PNMA8A: variants seen among roughly 807,000 people sequenced by gnomAD.
The protein encoded by PNMA8A is paraneoplastic antigen-like protein 8A.
PNMA8A carries 17 observed loss-of-function variants against 26.6 expected under a neutral mutation model. The ratio of observed to expected loss-of-function variants is 0.64; its 90% CI spans 0.44 to 0.96. PNMA8A has a LOEUF of 0.96. Among genes scored for constraint, PNMA8A ranks in the 40% least tolerant of loss-of-function variants. The pLI is 0.00. For missense variants in PNMA8A, 532 were observed against 488.4 expected (o/e 1.09, Z -0.84); for synonymous variants, 224 against 182.0 (o/e 1.23, Z -1.86).
intron 2 of PNMA8A, among the ~76,000 whole-genome samples, chr19:46,469,262 C>A (rs1969749310): frequency 6.7e-6 from 1 of 149,384 alleles, no homozygotes; most frequent in Non-Finnish European, 1.5e-5. Context: ...GTATGTGGCA[C>A]CACACCCGGC....
rs1969733368 is a variant in PNMA8A, at chr19:46,468,172, G to A, written c.*389C>T. On this transcript the variant is annotated 3_prime_UTR_variant, in exon 3 of 3. Transcript: ENST00000313683. ...TCTTCCAAATGCCAGGGCCTGCAGA[G>A]GTCGCTGACCATTCCGAGGAGGGAG... 1 of 200,416 alleles carries A rather than the reference G, an allele frequency of 5.0e-6. No individual in the cohort carries two copies. The highest frequency in any genetic ancestry group is 1.0e-5 in the Non-Finnish European group (1 of 99,976). The allele number at this position is 200,416 out of a possible 1,614,324, so 12.4% of individuals were successfully genotyped here. A position where few individuals can be genotyped will look rare whatever the true frequency, so the allele number is the denominator to read the frequency against.
In PNMA8A at chr19:46,468,393, C is replaced by CCA; in HGVS notation, c.*167_*168insTG. ...GGCATAGAGATCCACCTCCCTTCCC[C>CCA]AACTCCCTCCCACCCAAGACCTCAC... On this transcript the variant is annotated 3_prime_UTR_variant, in exon 3 of 3. Coordinates refer to ENST00000313683, the MANE Select transcript of PNMA8A (RefSeq NM_018215.4). 3.4e-6 allele frequency: 2 copies of CCA among 579,812 alleles called. No individual in the cohort carries two copies. Among genetic ancestry groups the CCA allele is most frequent in the Non-Finnish European group, 6.3e-6 (2 of 316,874 alleles). 35.9% of individuals were successfully genotyped at this position (579,812 alleles called of 1,614,324 possible). A position where few individuals can be genotyped will look rare whatever the true frequency, so the allele number is the denominator to read the frequency against.
rs1187246977 is a variant in PNMA8A, at chr19:46,471,028, T to A, written c.8A>T (p.Lys3Met). The A allele has an allele frequency of 1.3e-6, 1 of 766,888 alleles. No individual in the cohort carries two copies. Among genetic ancestry groups the A allele is most frequent in the South Asian group, 1.4e-5 (1 of 73,296 alleles). The allele number at this position is 766,888 out of a possible 1,614,324, so 47.5% of individuals were successfully genotyped here. MSKTMAMNLLEDW... is the reference protein window; with the variant it reads MSMTMAMNLLEDW... ...CTCCAGAAGGTTCATCGCCATGGTC[T>A]TGGACATTTAGCGGCTCTGAACCTA... Residue 3 changes from lysine (K) to methionine (M), a missense_variant, in exon 2 of 3, where the codon AAG becomes ATG. Transcript: ENST00000313683.
rs868138600 is a variant in PNMA8A at position 46,470,044 on chromosome 19, C to A, written c.992G>T (p.Gly331Val). 1.9e-6 allele frequency: 3 copies of A among 1,594,820 alleles called. No individual in the cohort carries two copies. The highest frequency in any genetic ancestry group is 2.7e-5 in the African/African-American group (2 of 73,790). The change falls in exon 2 of 3, where the codon GGC becomes GTC. Residue 331 changes from glycine to valine, a missense_variant. Coordinates refer to ENST00000313683, the MANE Select transcript of PNMA8A (RefSeq NM_018215.4). ...ACCATCTTGGTCTGACTCAGAGGCG[C>A]CTCCTGGGCTCTCGGCTTCTGCCCG... is the stretch of plus-strand genomic sequence containing the variant. ...DARAEAESPG[G>V]ASESDQDGGH...
Position 46,466,990 on chromosome 19 carries a change from G to A in PNMA8A, c.*1571C>T, listed in dbSNP as rs1969715074. The A allele has an allele frequency of 6.6e-6, 1 of 152,186 alleles. No individual in the cohort carries two copies. Among genetic ancestry groups the A allele is most frequent in the South Asian group, 2.1e-4 (1 of 4,832 alleles). The allele number at this position is 152,186 out of a possible 1,614,324, so 9.4% of individuals were successfully genotyped here. ...CACGGCAGAACAAGAGCATGTGAAT[G>A]ACGAAAGGAAACTTGCTTTCAGGGT... On this transcript the variant is annotated 3_prime_UTR_variant, in exon 3 of 3. Coordinates refer to ENST00000313683, the MANE Select transcript of PNMA8A (RefSeq NM_018215.4).
chr19:46,469,777 C>T lies in PNMA8A; in HGVS notation c.1259G>A (p.Gly420Asp), dbSNP rs1339354211. ...PAEATASTSRGPKAKPEGSPR... is the reference protein window; with the variant it reads ...PAEATASTSRDPKAKPEGSPR... ...AGAGCCTTCTGGCTTGGCCTTCGGA[C>T]CCCTAGAGGTTGAGGCTGTTGCCTC... The change falls in exon 2 of 3, where the codon GGT (glycine) becomes GAT (aspartate). Residue 420 changes from glycine (G) to aspartate (D), a missense_variant. Transcript: ENST00000313683. 5 of 1,613,700 alleles carry T rather than the reference C, an allele frequency of 3.1e-6. No homozygotes were observed. The highest frequency in any genetic ancestry group is 4.2e-6 in the Non-Finnish European group (5 of 1,179,918).
Position 46,466,548 on chromosome 19 carries a change from A to G in PNMA8A, c.*2013T>C, listed in dbSNP as rs878867068. 6.6e-6 allele frequency: 1 copy of G among 152,172 alleles called. No individual in the cohort carries two copies. Among genetic ancestry groups the G allele is most frequent in the Admixed American group, 6.5e-5 (1 of 15,270 alleles). The allele number at this position is 152,172 out of a possible 1,614,324, so 9.4% of individuals were successfully genotyped here. ...TTATACATACACGTTTACATTTACT[A>G]GTCATGGTGTCAACTTGTTAACACA... On this transcript the variant is annotated 3_prime_UTR_variant, in exon 3 of 3. Transcript: ENST00000313683.
intron 1 of PNMA8A, 94 bp from the exon 2 acceptor site, chr19:46,471,208 C>T (rs1969788902): frequency 1.8e-6 from 1 of 553,792 alleles, no homozygotes; most frequent in Non-Finnish European, 3.2e-6. Flanking sequence ...CTGCAGGAGG[C>T]CTGGCGCTTT....
chr19:46,468,487 G>A lies in PNMA8A; in HGVS notation c.*74C>T, dbSNP rs982953889. The stretch of plus-strand genomic sequence containing the variant: ...AAGAGAGTCCAAAGTCTTATTCAGT[G>A]ACAAGAGAGAACTTGGTTGACTTGG... On this transcript the variant is annotated 3_prime_UTR_variant, in exon 3 of 3. Transcript: ENST00000313683. 7.7e-6 allele frequency: 11 copies of A among 1,422,564 alleles called. No individual in the cohort carries two copies. The highest frequency in any genetic ancestry group is 7.0e-6 in the Non-Finnish European group (7 of 1,006,202). The allele number at this position is 1,422,564 out of a possible 1,614,324, so 88.1% of individuals were successfully genotyped here. A position where few individuals can be genotyped will look rare whatever the true frequency, so the allele number is the denominator to read the frequency against.
chr19:46,471,011 G>A lies in PNMA8A; in HGVS notation c.25C>T (p.Leu9Phe), dbSNP rs745588226. The A allele has an allele frequency of 2.6e-6, 2 of 775,276 alleles. No homozygotes were observed. Among genetic ancestry groups the A allele is most frequent in the South Asian group, 1.3e-5 (1 of 74,216 alleles). The allele number at this position is 775,276 out of a possible 1,614,324, so 48.0% of individuals were successfully genotyped here. The change falls in exon 2 of 3, where the codon CTT becomes TTT. Residue 9 changes from leucine (L) to phenylalanine (F), a missense_variant. Leu to Phe is a conservative substitution (Grantham distance 22). Coordinates refer to ENST00000313683, the MANE Select transcript of PNMA8A (RefSeq NM_018215.4). Reference sequence around the variant, plus strand: ...ATTCCCCTGCACCAATCCTCCAGAAGGTTCATCGCCATGGTCTTGGACATT... The same window carrying A: ...ATTCCCCTGCACCAATCCTCCAGAAAGTTCATCGCCATGGTCTTGGACATT... MSKTMAMN[L>F]LEDWCRGMEV... is the part of the protein sequence containing the mutation.
chr19:46,466,918 T>C lies in PNMA8A; in HGVS notation c.*1643A>G, dbSNP rs564185642. The C allele has an allele frequency of 1.3e-5, 2 of 152,326 alleles. No individual in the cohort carries two copies. Among genetic ancestry groups the C allele is most frequent in the Non-Finnish European group, 2.9e-5 (2 of 68,030 alleles). The allele number at this position is 152,326 out of a possible 1,614,324, so 9.4% of individuals were successfully genotyped here. On this transcript the variant is annotated 3_prime_UTR_variant, in exon 3 of 3. Transcript: ENST00000313683. Reference sequence around the variant, plus strand: ...ATACTCTATGATAGAATATTACTACTGTTCACCATGTTAATACATTTACTT... The same window carrying C: ...ATACTCTATGATAGAATATTACTACCGTTCACCATGTTAATACATTTACTT...
chr19:46,470,662 AC>A lies in PNMA8A; in HGVS notation c.373del (p.Val125SerfsTer66). The part of the protein sequence containing the change: ...DAEGRTWEDV[V>X]RLLQLNHPTL... Reference sequence around the variant, plus strand: ...GGGGTGGTTGAGCTGGAGCAGGCGGACCACATCCTCCCAGGTGCGCCCCTCG... The same window carrying A: ...GGGGTGGTTGAGCTGGAGCAGGCGGACACATCCTCCCAGGTGCGCCCCTCG... On this transcript the variant is annotated frameshift_variant, in exon 2 of 3. Coordinates refer to ENST00000313683, the MANE Select transcript of PNMA8A (RefSeq NM_018215.4). LOFTEE classifies it high-confidence loss of function. The A allele has an allele frequency of 7.0e-7, 1 of 1,431,720 alleles. No individual in the cohort carries two copies. Among genetic ancestry groups the A allele is most frequent in the Non-Finnish European group, 9.9e-7 (1 of 1,013,424 alleles). 88.7% of individuals were successfully genotyped at this position (1,431,720 alleles called of 1,614,324 possible).
In PNMA8A at chr19:46,470,444, T is replaced by G; in HGVS notation, c.592A>C (p.Lys198Gln). Residue 198 changes from lysine (K) to glutamine (Q), a missense_variant, in exon 2 of 3, where the codon AAA becomes CAA. By Grantham distance (53) the Lys-to-Gln change is moderately conservative (BLOSUM62 1). Transcript: ENST00000313683. ...WALAAGRKVK[K>Q]EPGLAAEVGS... Reference sequence around the variant, plus strand: ...ACCTCTGCTGCAAGCCCCGGTTCTTTCTTCACCTTCCTCCCTGCTGCTAAA... The same window carrying G: ...ACCTCTGCTGCAAGCCCCGGTTCTTGCTTCACCTTCCTCCCTGCTGCTAAA... 1 of 1,614,066 alleles carries G rather than the reference T, an allele frequency of 6.2e-7. No individual in the cohort carries two copies. Among genetic ancestry groups the G allele is most frequent in the Non-Finnish European group, 8.5e-7 (1 of 1,180,020 alleles).
chr19:46,471,168 C>G (rs1023899489), intron 1 of PNMA8A, 54 bp from the exon 2 acceptor site: 2 of 591,176 alleles, frequency 3.4e-6, no homozygotes, highest in African/African-American at 3.7e-5. Context: ...ACCAAGCTCA[C>G]AGATCCTAGC....
rs1969736416 is a variant in PNMA8A at position 46,468,368 on chromosome 19, G to A, written c.*193C>T. On this transcript the variant is annotated 3_prime_UTR_variant, in exon 3 of 3. Coordinates refer to ENST00000313683, the MANE Select transcript of PNMA8A (RefSeq NM_018215.4). ...AAACGGCAGGCCTGGTAGAGAAAAG[G>A]GCATAGAGATCCACCTCCCTTCCCC... 3.6e-6 allele frequency: 2 copies of A among 559,700 alleles called. No homozygotes were observed. The highest frequency in any genetic ancestry group is 3.7e-5 in the African/African-American group (2 of 53,816). The allele number at this position is 559,700 out of a possible 1,614,324, so 34.7% of individuals were successfully genotyped here.
Position 46,470,868 on chromosome 19 carries a change from G to A in PNMA8A, c.168C>T (p.Leu56=). The change falls in exon 2 of 3, where the codon CTC becomes CTT. Residue 56 remains leucine (L), a synonymous_variant. Coordinates refer to ENST00000313683, the MANE Select transcript of PNMA8A (RefSeq NM_018215.4). ...TCTCTTCCCTCACAAAAATCTTGTT[G>A]AGCACGCGGTACGGGCCCAGTGGGG... The part of the protein sequence containing the change: ...VLSPLGPYRV[L]NKIFVREENV... 1.3e-6 allele frequency: 1 copy of A among 781,090 alleles called. No homozygotes were observed. The highest frequency in any genetic ancestry group is 1.3e-5 in the South Asian group (1 of 74,612). The allele number at this position is 781,090 out of a possible 1,614,324, so 48.4% of individuals were successfully genotyped here.
At position 46,468,333 on chromosome 19, in the gene PNMA8A, G is replaced by A. The variant is rs547063339; in HGVS notation, c.*228C>T. ...TGCCTCCGAAGAGAAGGTGAGTAGA[G>A]AAGGCGGTGAAACGGCAGGCCTGGT... On this transcript the variant is annotated 3_prime_UTR_variant, in exon 3 of 3. Transcript: ENST00000313683. The A allele has an allele frequency of 9.9e-6, 5 of 505,820 alleles. No individual in the cohort carries two copies. In the East Asian group the frequency reaches 1.2e-4, roughly 12 times the overall value. The allele number at this position is 505,820 out of a possible 1,614,324, so 31.3% of individuals were successfully genotyped here.
rs367554609 is a variant in PNMA8A, at chr19:46,469,748, G to A, written c.1288C>T (p.Arg430Trp). 8 of 1,608,086 alleles carry A rather than the reference G, an allele frequency of 5.0e-6. No homozygotes were observed. The highest frequency in any genetic ancestry group is 6.8e-6 in the Non-Finnish European group (8 of 1,178,098). ...TCATTCTCACCATTGGTGGCACGCC[G>A]AGGAGAGCCTTCTGGCTTGGCCTTC... ...GPKAKPEGSP[R>W]RATNESRKV The change falls in exon 2 of 3, where the codon CGG becomes TGG. Residue 430 changes from arginine (R) to tryptophan (W), a missense_variant. By Grantham distance (101) the Arg-to-Trp change is moderately radical. Transcript: ENST00000313683.
Position 46,470,667 on chromosome 19 carries a change from A to C in PNMA8A, c.369T>G (p.Asp123Glu). Residue 123 changes from aspartate (D) to glutamate (E), a missense_variant, in exon 2 of 3, where the codon GAT becomes GAG. Coordinates refer to ENST00000313683, the MANE Select transcript of PNMA8A (RefSeq NM_018215.4). ...FLDAEGRTWEDVVRLLQLNHP... is the reference protein window; with the variant it reads ...FLDAEGRTWEEVVRLLQLNHP... ...GGTTGAGCTGGAGCAGGCGGACCAC[A>C]TCCTCCCAGGTGCGCCCCTCGGCAT... 7.3e-7 allele frequency: 1 copy of C among 1,375,562 alleles called. No individual in the cohort carries two copies. Among genetic ancestry groups the C allele is most frequent in the Non-Finnish European group, 1.0e-6 (1 of 962,080 alleles). The allele number at this position is 1,375,562 out of a possible 1,614,324, so 85.2% of individuals were successfully genotyped here. A position where few individuals can be genotyped will look rare whatever the true frequency, so the allele number is the denominator to read the frequency against.
Sources: gnomAD v4.1 joint callset for allele counts (sites outside exome capture counted in the v4.1 genomes callset) on GRCh38, gnomAD v4.1.1 for gene constraint, MANE v1.5 for transcripts, NCBI Gene and HGNC (gene_info 2026-07-23, HGNC 2026-07-21) for gene names.